Variants in ZMAT4 observed in about 807,000 individuals in gnomAD.
The protein encoded by ZMAT4 is zinc finger matrin-type protein 4.
ZMAT4 carries 17 observed loss-of-function variants against 28.7 expected under a neutral mutation model. The ratio of observed to expected loss-of-function variants is 0.59; its 90% confidence interval spans 0.41 to 0.89. The LOEUF is 0.89. Among genes scored for constraint, ZMAT4 ranks in the 40% least tolerant of loss-of-function variants. The pLI, the probability that ZMAT4 is intolerant of heterozygous loss-of-function variation, is 0.00. For synonymous variants in ZMAT4, 117 were observed against 109.2 expected, an observed-to-expected ratio of 1.07 and a Z score of -0.44; for missense variants, 240 against 283.8, an observed-to-expected ratio of 0.85 and a Z score of 1.11.
intron 2 of ZMAT4, among the ~76,000 whole-genome samples, chr8:40,820,616 ATGTG>A (rs773403741): frequency 6.2e-5 from 6 of 96,466 alleles, no homozygotes; most frequent in African/African-American, 1.9e-4. Flanking sequence ...ATGTGTGTGT[ATGTG>A]TGTGTATGTG....
intron 5 of ZMAT4, among the ~76,000 whole-genome samples, chr8:40,623,603 TCTTGC>T (rs1806274299): frequency 1.3e-5 from 2 of 152,162 alleles, no homozygotes; most frequent in Non-Finnish European, 2.9e-5. Flanking sequence ...TCCAAGTCTG[TCTTGC>T]CTATGACTAT....
intron 5 of ZMAT4, among the ~76,000 whole-genome samples, chr8:40,639,771 T>TACACAC (rs10676366): frequency 0.36 from 52,569 of 146,132 alleles, 10,235 homozygotes; most frequent in Non-Finnish European, 0.45. Context: ...GTCCTTTTGT[T>TACACAC]ACACACACAC....
intron 1 of ZMAT4, among the ~76,000 whole-genome samples, chr8:40,893,163 C>T (rs764663536): frequency 6.6e-6 from 1 of 152,200 alleles, no homozygotes; most frequent in Non-Finnish European, 1.5e-5. Context: ...TACATCAGCC[C>T]TCATCCTGTG....
chr8:40,733,317 G>T (rs1811624016), intron 3 of ZMAT4, among the ~76,000 whole-genome samples: 1 of 151,978 alleles, frequency 6.6e-6, no homozygotes, highest in Non-Finnish European at 1.5e-5. Flanking sequence ...CAAAAATCTG[G>T]TATATTTCAT....
chr8:40,615,331 C>T (rs550797680), intron 5 of ZMAT4, among the ~76,000 whole-genome samples: 4 of 152,196 alleles, frequency 2.6e-5, no homozygotes, highest in South Asian at 2.1e-4. Flanking sequence ...GTGAGTAACC[C>T]GACCTTTCTC....
At chr8:40,794,851 G>A (rs368433116) in intron 2 of ZMAT4, among the ~76,000 whole-genome samples, 88 of 151,190 alleles carry the variant, frequency 5.8e-4, no homozygotes, top group African/African-American at 2.0e-3. Flanking sequence ...CAATGATTGC[G>A]TTCATGTGAA....
chr8:40,605,491 G>A (rs1805550414), intron 5 of ZMAT4, among the ~76,000 whole-genome samples: 1 of 152,146 alleles, frequency 6.6e-6, no homozygotes, highest in Non-Finnish European at 1.5e-5. Flanking sequence ...GTATGGTTTT[G>A]AGAGTTCCTT....
At chr8:40,700,051 T>C (rs1810065006) in intron 3 of ZMAT4, among the ~76,000 whole-genome samples, 1 of 152,140 alleles carries the variant, frequency 6.6e-6, no homozygotes, top group Non-Finnish European at 1.5e-5. Context: ...GGACTTATGG[T>C]ATGTATTTAC....
intron 1 of ZMAT4, among the ~76,000 whole-genome samples, chr8:40,835,613 A>G (rs1407063501): frequency 6.6e-6 from 1 of 152,218 alleles, no homozygotes; most frequent in Non-Finnish European, 1.5e-5. Context: ...ATTTATCTTC[A>G]CAAGACTGCC....
chr8:40,538,298 A>G (rs754335859), intron 6 of ZMAT4, among the ~76,000 whole-genome samples: 2 of 152,210 alleles, frequency 1.3e-5, no homozygotes, highest in Non-Finnish European at 2.9e-5. Context: ...CCAATTGTCA[A>G]CCAAAAAATG....
At chr8:40,862,687 T>C (rs1237197344) in intron 1 of ZMAT4, among the ~76,000 whole-genome samples, 6 of 149,642 alleles carry the variant, frequency 4.0e-5, no homozygotes, top group African/African-American at 1.5e-4. Context: ...TGGATGAAGC[T>C]GGAAACCATC....
intron 1 of ZMAT4, among the ~76,000 whole-genome samples, chr8:40,834,237 C>G (rs1233749905): frequency 2.0e-5 from 3 of 152,098 alleles, no homozygotes; most frequent in Non-Finnish European, 4.4e-5. Flanking sequence ...CAAAGGCAGC[C>G]CCAGCCTGCA....
At chr8:40,787,998 G>C (rs1814157469) in intron 2 of ZMAT4, among the ~76,000 whole-genome samples, 1 of 152,064 alleles carries the variant, frequency 6.6e-6, no homozygotes, top group South Asian at 2.1e-4. Context: ...AAAAATATAA[G>C]TATTATAGTG....
At chr8:40,641,706 C>A (rs1042585203) in intron 5 of ZMAT4, among the ~76,000 whole-genome samples, 5 of 152,118 alleles carry the variant, frequency 3.3e-5, no homozygotes, top group Non-Finnish European at 4.4e-5. Flanking sequence ...GTGATAAAAG[C>A]ACTTAACATA....
chr8:40,776,854 TGTG>T (rs201471812), intron 2 of ZMAT4, among the ~76,000 whole-genome samples: 33,249 of 151,868 alleles, frequency 0.22, 3,795 homozygotes, highest in Non-Finnish European at 0.25. Context: ...ACTAAGAACC[TGTG>T]TGGAGTCCAA....
At chr8:40,651,352 T>C (rs1312673536) in intron 5 of ZMAT4, among the ~76,000 whole-genome samples, 1 of 152,084 alleles carries the variant, frequency 6.6e-6, no homozygotes, top group Non-Finnish European at 1.5e-5. Flanking sequence ...ATAAAATACC[T>C]AGGAATGCAA....
At chr8:40,781,594 C>G (rs1016426583) in intron 2 of ZMAT4, among the ~76,000 whole-genome samples, 1 of 150,064 alleles carries the variant, frequency 6.7e-6, no homozygotes, top group African/African-American at 2.4e-5. Context: ...AACCCCGTCT[C>G]TACTAAAAAT....
intron 1 of ZMAT4, 44 bp from the exon 2 acceptor site, chr8:40,825,724 G>T: frequency 6.9e-7 from 1 of 1,451,052 alleles, no homozygotes; most frequent in East Asian, 2.5e-5. Flanking sequence ...CCACTGCTTT[G>T]ATGTTTATGC....
At chr8:40,701,717 C>T (rs1200630886) in intron 3 of ZMAT4, among the ~76,000 whole-genome samples, 1 of 151,618 alleles carries the variant, frequency 6.6e-6, no homozygotes, top group Non-Finnish European at 1.5e-5. Context: ...GGGGTTTCAC[C>T]ATGTTGGCCA....
Sources: allele counts gnomAD v4.1 joint callset (sites outside exome capture counted in the v4.1 genomes callset), GRCh38; gene constraint gnomAD v4.1.1; transcripts MANE v1.5; gene names NCBI Gene and HGNC (gene_info 2026-07-23, HGNC 2026-07-21).